The following ATP9A variants were observed in gnomAD, a reference collection of about 807,000 sequenced individuals.
ATP9A encodes ATPase phospholipid transporting 9A.
ATP9A carries 52 observed loss-of-function variants against 144.1 expected under a neutral mutation model. The ratio of observed to expected loss-of-function variants is 0.36; its 90% confidence interval spans 0.29 to 0.45. The LOEUF is 0.45. Among genes scored for constraint, ATP9A ranks in the 20% least tolerant of loss-of-function variants. The pLI is 1.00. For synonymous variants in ATP9A, 582 were observed against 557.4 expected (o/e 1.04, Z -0.62); for missense variants, 947 against 1,392.7 (o/e 0.68, Z 5.09).
At chr20:51,753,189 T>C (rs191833265) in intron 1 of ATP9A, among the ~76,000 whole-genome samples, 7 of 152,242 alleles carry the variant, frequency 4.6e-5, no homozygotes, top group Middle Eastern at 3.4e-3. Context: ...TGTGAGACTA[T>C]AAGGCACTGG....
intron 1 of ATP9A, among the ~76,000 whole-genome samples, chr20:51,754,727 A>T (rs1358576239): frequency 6.6e-6 from 1 of 152,156 alleles, no homozygotes; most frequent in Non-Finnish European, 1.5e-5. Context: ...GAGGCATGAG[A>T]ATTGCTTGAA....
intron 5 of ATP9A, among the ~76,000 whole-genome samples, chr20:51,696,831 A>T (rs1392761348): frequency 1.3e-5 from 2 of 152,226 alleles, no homozygotes; most frequent in African/African-American, 2.4e-5. Context: ...ATCAAATATT[A>T]TTCCAAGCCT....
rs2077136125 is a variant in ATP9A at position 51,600,130 on chromosome 20, G to C, written c.*1081C>G. 6.6e-6 allele frequency: 1 copy of C among 152,188 alleles called. No individual in the cohort carries two copies. Among genetic ancestry groups the C allele is most frequent in the South Asian group, 2.1e-4 (1 of 4,836 alleles). 9.4% of individuals were successfully genotyped at this position (152,188 alleles called of 1,614,324 possible). A position where few individuals can be genotyped will look rare whatever the true frequency, so the allele number is the denominator to read the frequency against. ...CTGTAGCTTGGGCGTCCTCCCACCA[G>C]GGGTTCCTTGTTCTGAAAGCTGCCA... is the stretch of plus-strand genomic sequence containing the variant. On this transcript the variant is annotated 3_prime_UTR_variant, in exon 28 of 28. Transcript: ENST00000338821.
chr20:51,761,672 A>G (rs935281047), intron 1 of ATP9A, among the ~76,000 whole-genome samples: 13 of 152,044 alleles, frequency 8.6e-5, no homozygotes, highest in Admixed American at 8.5e-4. Context: ...AGACAGGAGA[A>G]TGGCGCGAAC....
intron 5 of ATP9A, 40 bp downstream of exon 5, chr20:51,697,384 T>A (rs750356514): frequency 6.3e-7 from 1 of 1,590,318 alleles, no homozygotes; most frequent in African/African-American, 1.3e-5. Flanking sequence ...TTAGGACCCA[T>A]GAAGTGGTAT....
chr20:51,734,199 G>C (rs62226751), intron 1 of ATP9A, among the ~76,000 whole-genome samples: 31,354 of 151,880 alleles, frequency 0.21, 3,637 homozygotes, highest in South Asian at 0.4. Flanking sequence ...GCCCAGGCTG[G>C]TCTCAAATTC....
In ATP9A at chr20:51,625,493, G is replaced by T. The variant is rs1168473486; in HGVS notation, c.1846-131C>A. On this transcript the variant is annotated intron_variant, in intron 17 of 27. Coordinates refer to ENST00000338821, the MANE Select transcript of ATP9A (RefSeq NM_006045.3). ...GTGGGGGACCCCAGCAGGTGAGCTG[G>T]ACCCCACAGGGGTGACATAGGCTTC... is the stretch of plus-strand genomic sequence containing the variant. 1.4e-5 allele frequency: 14 copies of T among 1,035,426 alleles called. No individual in the cohort carries two copies. In the South Asian group the frequency reaches 1.7e-4, roughly 13 times the overall value. The allele number at this position is 1,035,426 out of a possible 1,614,324, so 64.1% of individuals were successfully genotyped here. A position where few individuals can be genotyped will look rare whatever the true frequency, so the allele number is the denominator to read the frequency against.
chr20:51,613,632 G>A, intron 23 of ATP9A, 45 bp downstream of exon 23: 1 of 1,575,090 alleles, frequency 6.3e-7, no homozygotes, highest in Non-Finnish European at 8.6e-7. Flanking sequence ...CACCTACATG[G>A]TATAGCCACA....
intron 3 of ATP9A, 142 bp from the exon 4 acceptor site, chr20:51,713,216 G>A (rs1205700): frequency 0.64 from 448,989 of 699,400 alleles, 145,207 homozygotes; most frequent in South Asian, 0.73. Flanking sequence ...TATTCCAAAT[G>A]CACACGCCGC....
At chr20:51,619,587 G>T (rs917949927) in intron 19 of ATP9A, among the ~76,000 whole-genome samples, 10 of 143,030 alleles carry the variant, frequency 7.0e-5, no homozygotes, top group East Asian at 4.1e-4. Flanking sequence ...GGGGGGGGGG[G>T]GCCAGGTACG....
chr20:51,666,825 CTAA>C (rs1451799516), intron 13 of ATP9A, among the ~76,000 whole-genome samples: 2 of 152,136 alleles, frequency 1.3e-5, no homozygotes, highest in African/African-American at 2.4e-5. Context: ...TGCAAATTTA[CTAA>C]AGTCACCACA....
intron 9 of ATP9A, among the ~76,000 whole-genome samples, chr20:51,678,868 C>A (rs1161016547): frequency 6.6e-6 from 1 of 152,212 alleles, no homozygotes; most frequent in Non-Finnish European, 1.5e-5. Context: ...GTGCTCAGGA[C>A]ACAGGCTCTG....
At chr20:51,656,051 C>T (rs2077385512) in intron 14 of ATP9A, among the ~76,000 whole-genome samples, 1 of 152,028 alleles carries the variant, frequency 6.6e-6, no homozygotes, top group African/African-American at 2.4e-5. Context: ...TGTATGGTTC[C>T]AGATGTTTGG....
intron 14 of ATP9A, among the ~76,000 whole-genome samples, chr20:51,647,918 GTCT>G (rs1033446897): frequency 7.2e-5 from 11 of 152,286 alleles, no homozygotes; most frequent in Admixed American, 2.6e-4. Flanking sequence ...AGCCCCCGCT[GTCT>G]TCTTCTGAAC....
chr20:51,751,363 G>A (rs565538283), intron 1 of ATP9A, among the ~76,000 whole-genome samples: 1 of 150,722 alleles, frequency 6.6e-6, no homozygotes, highest in African/African-American at 2.4e-5. Flanking sequence ...GGACTCAAGG[G>A]ATCCTCCCAC....
At chr20:51,698,905 G>A (rs1005442249) in intron 4 of ATP9A, among the ~76,000 whole-genome samples, 2 of 152,188 alleles carry the variant, frequency 1.3e-5, no homozygotes, top group African/African-American at 4.8e-5. Context: ...ACCCTGTGAG[G>A]GAGCCCAGAG....
Position 51,601,058 on chromosome 20 carries a change from G to T in ATP9A, c.*153C>A. On this transcript the variant is annotated 3_prime_UTR_variant, in exon 28 of 28. Transcript: ENST00000338821. ...CCTCCCTCCCGTTGATGCAGCGTTA[G>T]GACTCCGTTTAGGCGCAGAGCCACT... 1.1e-6 allele frequency: 1 copy of T among 938,116 alleles called. No individual in the cohort carries two copies. Among genetic ancestry groups the T allele is most frequent in the Non-Finnish European group, 1.5e-6 (1 of 660,768 alleles). The allele number at this position is 938,116 out of a possible 1,614,324, so 58.1% of individuals were successfully genotyped here. A position where few individuals can be genotyped will look rare whatever the true frequency, so the allele number is the denominator to read the frequency against.
intron 1 of ATP9A, among the ~76,000 whole-genome samples, chr20:51,739,250 C>T (rs1263357643): frequency 6.6e-6 from 1 of 152,124 alleles, no homozygotes; most frequent in Non-Finnish European, 1.5e-5. Context: ...AGGTCTGAAC[C>T]CTGGCCCCAG....
intron 24 of ATP9A, among the ~76,000 whole-genome samples, chr20:51,608,922 C>CATGTGTGT (rs74175563): frequency 1.4e-5 from 2 of 142,794 alleles, no homozygotes; most frequent in African/African-American, 5.3e-5. Flanking sequence ...GGAAATAAGA[C>CATGTGTGT]GTGTGTGTGT....
Sources: gnomAD v4.1 joint callset for allele counts (sites outside exome capture counted in the v4.1 genomes callset) on GRCh38, gnomAD v4.1.1 for gene constraint, MANE v1.5 for transcripts, NCBI Gene and HGNC (gene_info 2026-07-23, HGNC 2026-07-21) for gene names.